The following SENP7 variants were observed in gnomAD, a reference collection of about 807,000 sequenced individuals.
SENP7 encodes sentrin-specific protease 7.
Under a neutral mutation model 141.2 loss-of-function variants are expected in SENP7, and 64 were observed. The ratio of observed to expected loss-of-function variants is 0.45; its 90% CI spans 0.37 to 0.56. SENP7 has a LOEUF of 0.56. Ranked by LOEUF, SENP7 falls within the 20% of genes least tolerant of loss-of-function variation. SENP7 has a pLI of 0.00. For synonymous variants in SENP7, 382 were observed against 426.4 expected (o/e 0.90, Z 1.28); for missense variants, 1,025 against 1,212.2 (o/e 0.85, Z 2.29).
chr3:101,379,571 C>T (rs1026959826), intron 6 of SENP7, among the ~76,000 whole-genome samples: 10 of 152,092 alleles, frequency 6.6e-5, no homozygotes, highest in African/African-American at 1.4e-4. Flanking sequence ...GCCAACAACA[C>T]GAAAAGATGT....
At chr3:101,353,134 C>T (rs531504469) in intron 11 of SENP7, among the ~76,000 whole-genome samples, 5 of 151,968 alleles carry the variant, frequency 3.3e-5, no homozygotes, top group Non-Finnish European at 5.9e-5. Context: ...ATTATTGTTA[C>T]TTTCATATAA....
chr3:101,507,758 G>C (rs1576560517), intron 1 of SENP7, among the ~76,000 whole-genome samples: 2 of 151,848 alleles, frequency 1.3e-5, no homozygotes, highest in South Asian at 2.1e-4. Context: ...ACATAAATTG[G>C]ATACATTCCT....
chr3:101,437,256 G>T (rs1275856151), intron 4 of SENP7, among the ~76,000 whole-genome samples: 2 of 152,138 alleles, frequency 1.3e-5, no homozygotes, highest in African/African-American at 4.8e-5. Context: ...GGCAGGTGGG[G>T]ACAGTTAATG....
chr3:101,453,295 G>T (rs1439390488), intron 4 of SENP7, among the ~76,000 whole-genome samples: 1 of 152,186 alleles, frequency 6.6e-6, no homozygotes, highest in East Asian at 1.9e-4. Context: ...AACCATTGTG[G>T]AAGTCAGTGT....
chr3:101,506,757 C>G (rs547729446), intron 1 of SENP7, among the ~76,000 whole-genome samples: 1 of 152,282 alleles, frequency 6.6e-6, no homozygotes, highest in Non-Finnish European at 1.5e-5. Flanking sequence ...AAAGGCACAA[C>G]TGAACTGGGC....
Position 101,429,726 on chromosome 3 carries a change from G to A in SENP7, c.285-11936C>T, listed in dbSNP as rs147757872. 2.8e-3 allele frequency among the ~76,000 whole-genome samples: 428 copies of A among 152,134 alleles called. 5 individuals are homozygous for A. The highest frequency in any genetic ancestry group is 0.017 in the East Asian group (87 of 5,182). ...CCCTGGCCAGAACTTCCAATACTAC[G>A]TTGAATAGGAGTAGTAAGAGAGGGC... On this transcript the variant is annotated intron_variant, in intron 4 of 23. Transcript: ENST00000394095.
chr3:101,497,082 G>A (rs192744697), intron 2 of SENP7, among the ~76,000 whole-genome samples: 25 of 152,110 alleles, frequency 1.6e-4, no homozygotes, highest in Admixed American at 5.2e-4. Context: ...TATAAATTAC[G>A]GGATTAAGAA....
At position 101,417,832 on chromosome 3, in the gene SENP7, T is replaced by G. The variant is rs561639208; in HGVS notation, c.285-42A>C. On this transcript the variant is annotated intron_variant, in intron 4 of 23. Transcript: ENST00000394095. ...TAATTAGTATATATGGTACTACACA[T>G]TGTAGAATACATGAATTCATCACAA... The G allele has an allele frequency of 3.5e-6, 5 of 1,425,668 alleles. No homozygotes were observed. In the East Asian group the frequency reaches 1.1e-4, roughly 33 times the overall value. The allele number at this position is 1,425,668 out of a possible 1,614,324, so 88.3% of individuals were successfully genotyped here.
intron 3 of SENP7, among the ~76,000 whole-genome samples, chr3:101,477,836 G>A (rs994117277): frequency 2.0e-5 from 3 of 150,022 alleles, no homozygotes; most frequent in Non-Finnish European, 4.4e-5. Flanking sequence ...GGGTGGCAGA[G>A]TGAGTCTCCA....
intron 6 of SENP7, among the ~76,000 whole-genome samples, chr3:101,396,696 T>A (rs1210030579): frequency 2.0e-5 from 3 of 152,144 alleles, no homozygotes; most frequent in Non-Finnish European, 4.4e-5. Flanking sequence ...GAGCAAAAAA[T>A]TTAGTATACA....
At chr3:101,489,143 C>G (rs1207436175) in intron 3 of SENP7, among the ~76,000 whole-genome samples, 8 of 149,196 alleles carry the variant, frequency 5.4e-5, no homozygotes, top group African/African-American at 2.1e-4. Flanking sequence ...ACCAGCCTTA[C>G]AAGAAAGAGG....
intron 6 of SENP7, among the ~76,000 whole-genome samples, chr3:101,384,782 A>G (rs1299932012): frequency 6.6e-6 from 1 of 152,224 alleles, no homozygotes; most frequent in Non-Finnish European, 1.5e-5. Flanking sequence ...ACTCAGGCAA[A>G]GAGGTCACCA....
At chr3:101,465,604 C>T (rs367561329) in intron 3 of SENP7, among the ~76,000 whole-genome samples, 1 of 152,006 alleles carries the variant, frequency 6.6e-6, no homozygotes, top group Non-Finnish European at 1.5e-5. Context: ...AAAAATCAGA[C>T]AAACCACTTC....
chr3:101,373,989 C>G (rs1039763188), intron 6 of SENP7, among the ~76,000 whole-genome samples: 1 of 152,046 alleles, frequency 6.6e-6, no homozygotes, highest in Non-Finnish European at 1.5e-5. Context: ...AATAAAAGCT[C>G]AAAATAAATA....
At chr3:101,506,254 A>G (rs2065605274) in intron 1 of SENP7, among the ~76,000 whole-genome samples, 1 of 152,196 alleles carries the variant, frequency 6.6e-6, no homozygotes, top group African/African-American at 2.4e-5. Flanking sequence ...TCCTGAGCTC[A>G]AGTGATCTGC....
intron 12 of SENP7, among the ~76,000 whole-genome samples, chr3:101,349,629 A>T (rs973133846): frequency 2.0e-5 from 3 of 152,160 alleles, no homozygotes; most frequent in Admixed American, 6.5e-5. Context: ...GCACATGTAT[A>T]CATATGTAAC....
chr3:101,372,102 T>C lies in SENP7; in HGVS notation c.702A>G (p.Val234=), dbSNP rs2060197529. The C allele has an allele frequency of 1.9e-6, 3 of 1,559,484 alleles. No individual in the cohort carries two copies. The highest frequency in any genetic ancestry group is 4.5e-5 in the East Asian group (2 of 44,352). ...CAGTCTGCTTTGCAGAATTGTCATC[T>C]ACTGTCTTACTTCGTTGTGAGCCCC... ...SERGSQRSKT[V]DDNSAKQTAH... The change falls in exon 7 of 24, where the codon GTA becomes GTG. Residue 234 remains valine, a synonymous_variant. Coordinates refer to ENST00000394095, the MANE Select transcript of SENP7 (RefSeq NM_020654.5).
intron 6 of SENP7, among the ~76,000 whole-genome samples, chr3:101,390,522 T>C (rs936734650): frequency 6.6e-6 from 1 of 152,176 alleles, no homozygotes. Flanking sequence ...AACTACATTA[T>C]ATAATGATAA....
intron 6 of SENP7, among the ~76,000 whole-genome samples, chr3:101,398,633 T>C (rs1269223864): frequency 6.6e-6 from 1 of 152,208 alleles, no homozygotes; most frequent in African/African-American, 2.4e-5. Flanking sequence ...TAAGTGTCTG[T>C]ATCCATTTTT....
Sources: gnomAD v4.1 joint callset for allele counts (sites outside exome capture counted in the v4.1 genomes callset) on GRCh38, gnomAD v4.1.1 for gene constraint, MANE v1.5 for transcripts, NCBI Gene and HGNC (gene_info 2026-07-23, HGNC 2026-07-21) for gene names.